The following PDE1A variants were observed in gnomAD, a reference collection of about 807,000 sequenced individuals.
PDE1A encodes dual specificity calcium/calmodulin-dependent 3',5'-cyclic nucleotide phosphodiesterase 1A.
PDE1A carries 35 observed loss-of-function variants against 61.7 expected under a neutral mutation model. The ratio of observed to expected loss-of-function variants is 0.57; its 90% CI spans 0.43 to 0.75. The LOEUF is 0.75. Ranked by LOEUF, PDE1A falls within the 30% of genes least tolerant of loss-of-function variation. PDE1A has a pLI of 0.00. For synonymous variants in PDE1A, 232 were observed against 213.2 expected (o/e 1.09, Z -0.77); for missense variants, 597 against 630.6 (o/e 0.95, Z 0.57).
intron 1 of PDE1A, among the ~76,000 whole-genome samples, chr2:182,387,408 G>T (rs1324574596): frequency 1.4e-5 from 2 of 144,636 alleles, no homozygotes; most frequent in African/African-American, 2.6e-5. Context: ...ACCCAAGAAT[G>T]ATCAATAAAA....
At chr2:182,212,849 T>G (rs1056538122) in intron 7 of PDE1A, among the ~76,000 whole-genome samples, 1 of 152,200 alleles carries the variant, frequency 6.6e-6, no homozygotes, top group Non-Finnish European at 1.5e-5. Context: ...GAGGGGCGCC[T>G]GCCATTGCCC....
intron 2 of PDE1A, among the ~76,000 whole-genome samples, chr2:182,477,337 C>T (rs749541508): frequency 2.0e-5 from 3 of 151,924 alleles, no homozygotes; most frequent in Non-Finnish European, 2.9e-5. Flanking sequence ...ATTATAATAG[C>T]TGCCATTAAT....
chr2:182,603,606 TC>T, the PDE1A span, among the ~76,000 whole-genome samples: 1 of 152,202 alleles, frequency 6.6e-6, no homozygotes, highest in African/African-American at 2.4e-5. Context: ...CACCTCGGCC[TC>T]CCAAAGTGAG....
At chr2:182,168,073 AAGG>A (rs1691762601) in exon 14 of PDE1A, 3 of 1,306,694 alleles carry the variant, frequency 2.3e-6, no homozygotes, top group South Asian at 2.8e-5. Flanking sequence ...CCGGTGAATT[AAGG>A]AGTTTACAGC....
chr2:182,175,538 T>C (rs1410893932), intron 13 of PDE1A, among the ~76,000 whole-genome samples: 1 of 133,710 alleles, frequency 7.5e-6, no homozygotes, highest in African/African-American at 2.8e-5. Flanking sequence ...GTTGTTTGTT[T>C]TTTTCTTGTA....
chr2:182,534,304 G>T, the PDE1A span, among the ~76,000 whole-genome samples: 19 of 151,514 alleles, frequency 1.3e-4, no homozygotes, highest in Non-Finnish European at 3.0e-5. Flanking sequence ...ATTCTCTAAT[G>T]AATAGTTTTG....
the PDE1A span, among the ~76,000 whole-genome samples, chr2:182,693,294 C>T: frequency 2.0e-5 from 3 of 152,126 alleles, no homozygotes; most frequent in Non-Finnish European, 2.9e-5. Context: ...TTCTCCCCAT[C>T]CCATATTATT....
At chr2:182,170,533 C>A (rs1038162005) in intron 13 of PDE1A, among the ~76,000 whole-genome samples, 1 of 152,028 alleles carries the variant, frequency 6.6e-6, no homozygotes, top group East Asian at 1.9e-4. Context: ...GTACTCCTAC[C>A]GCATAGCTAT....
the PDE1A span, among the ~76,000 whole-genome samples, chr2:182,698,130 T>C: frequency 1.3e-5 from 2 of 152,312 alleles, no homozygotes; most frequent in African/African-American, 4.8e-5. Context: ...ATAACAAATA[T>C]AAGTAACAGA....
At chr2:182,663,827 T>TA in the PDE1A span, among the ~76,000 whole-genome samples, 1,933 of 147,316 alleles carry the variant, frequency 0.013, 22 homozygotes, top group South Asian at 0.051. Context: ...ACTTAAAAGT[T>TA]AAAAAAAAAA....
the PDE1A span, among the ~76,000 whole-genome samples, chr2:182,631,154 A>G: frequency 4.6e-5 from 7 of 152,132 alleles, no homozygotes; most frequent in African/African-American, 9.7e-5. Flanking sequence ...CTTGACAGCC[A>G]GAAAGTCAAT....
chr2:182,367,151 G>A (rs1028892397), intron 1 of PDE1A, among the ~76,000 whole-genome samples: 1 of 151,816 alleles, frequency 6.6e-6, no homozygotes, highest in African/African-American at 2.4e-5. Flanking sequence ...AAACAAGCTT[G>A]CTTTTGTTGA....
chr2:182,569,613 G>T, the PDE1A span, among the ~76,000 whole-genome samples: 1 of 152,270 alleles, frequency 6.6e-6, no homozygotes, highest in South Asian at 2.1e-4. Flanking sequence ...TATTTCACTG[G>T]CAAAAGCAGA....
At chr2:182,298,228 G>A (rs1695014292) in intron 1 of PDE1A, among the ~76,000 whole-genome samples, 1 of 152,124 alleles carries the variant, frequency 6.6e-6, no homozygotes, top group African/African-American at 2.4e-5. Flanking sequence ...GGTAATTATA[G>A]GACCTATGAA....
At chr2:182,417,461 C>G (rs2125559261) in intron 1 of PDE1A, among the ~76,000 whole-genome samples, 1 of 152,010 alleles carries the variant, frequency 6.6e-6, no homozygotes, top group Admixed American at 6.5e-5. Context: ...TTTAAAATTC[C>G]CCAGTGAGTG....
At chr2:182,159,484 A>T (rs1691262893) in intron 13 of PDE1A, among the ~76,000 whole-genome samples, 1 of 152,226 alleles carries the variant, frequency 6.6e-6, no homozygotes, top group South Asian at 2.1e-4. Flanking sequence ...AAGATAATTC[A>T]TCACACAGCA....
At chr2:182,308,608 T>C (rs1171068170) in intron 1 of PDE1A, among the ~76,000 whole-genome samples, 1 of 152,072 alleles carries the variant, frequency 6.6e-6, no homozygotes, top group South Asian at 2.1e-4. Context: ...TAAATTGTAA[T>C]AAAATGTGAT....
intron 2 of PDE1A, among the ~76,000 whole-genome samples, chr2:182,492,176 C>T (rs1430142): frequency 0.41 from 61,966 of 151,856 alleles, 12,942 homozygotes; most frequent in African/African-American, 0.47. Flanking sequence ...CAGTCTTGAC[C>T]ACAAAACTTC....
chr2:182,609,595 A>C, the PDE1A span, among the ~76,000 whole-genome samples: 1 of 152,200 alleles, frequency 6.6e-6, no homozygotes, highest in African/African-American at 2.4e-5. Flanking sequence ...ACTCACCATG[A>C]AGGTCTGCAG....
Sources: allele counts gnomAD v4.1 joint callset (sites outside exome capture counted in the v4.1 genomes callset), GRCh38; gene constraint gnomAD v4.1.1; transcripts MANE v1.5; gene names NCBI Gene and HGNC (gene_info 2026-07-23, HGNC 2026-07-21).